Variants in CSMD1 observed in about 807,000 individuals in gnomAD.
CSMD1 encodes the protein CUB and Sushi multiple domains 1, also known as CUB and sushi domain-containing protein 1.
In CSMD1, 213 loss-of-function variants were observed where a neutral mutation model predicts 417.5. The ratio of observed to expected loss-of-function variants is 0.51; its 90% CI spans 0.46 to 0.57. The LOEUF (loss-of-function observed/expected upper bound fraction) is 0.57, where lower values mean the gene tolerates loss of function less well. Ranked by LOEUF, CSMD1 falls within the 20% of genes least tolerant of loss-of-function variation. CSMD1 has a pLI of 0.00. For synonymous variants in CSMD1, 2,862 were observed against 1,736.8 expected, an observed-to-expected ratio of 1.65 and a Z score of -16.11; for missense variants, 6,923 against 4,529.7, an observed-to-expected ratio of 1.53 and a Z score of -15.17.
chr8:3,199,960 G>A (rs1311313674), intron 32 of CSMD1, among the ~76,000 whole-genome samples, 151 bp from the exon 33 acceptor site: 1 of 152,072 alleles, frequency 6.6e-6, no homozygotes, highest in East Asian at 1.9e-4. Context: ...CAAATATGTT[G>A]TTTTTATAAA....
intron 7 of CSMD1, among the ~76,000 whole-genome samples, chr8:3,637,357 T>G (rs928507808): frequency 1.2e-4 from 19 of 152,164 alleles, no homozygotes; most frequent in African/African-American, 4.6e-4. Context: ...TCTTATGAGT[T>G]TGGGCAACAT....
chr8:4,195,220 C>T (rs114106727), intron 3 of CSMD1, among the ~76,000 whole-genome samples: 1,978 of 152,218 alleles, frequency 0.013, 31 homozygotes, highest in African/African-American at 0.044. Flanking sequence ...TGCATACATT[C>T]GATTTCAGGC....
intron 7 of CSMD1, among the ~76,000 whole-genome samples, chr8:3,643,082 G>C (rs1298796658): frequency 1.3e-5 from 2 of 152,054 alleles, no homozygotes; most frequent in Non-Finnish European, 2.9e-5. Flanking sequence ...GGGAGAGGGA[G>C]AGAGACAGGC....
At chr8:4,112,024 T>C (rs1395942942) in intron 3 of CSMD1, among the ~76,000 whole-genome samples, 1 of 152,216 alleles carries the variant, frequency 6.6e-6, no homozygotes, top group African/African-American at 2.4e-5. Context: ...TGACATGAAA[T>C]GTATAAAAAT....
chr8:4,331,324 A>G (rs1187079833), intron 3 of CSMD1, among the ~76,000 whole-genome samples: 1 of 152,124 alleles, frequency 6.6e-6, no homozygotes, highest in Non-Finnish European at 1.5e-5. Flanking sequence ...GTGCAAACGC[A>G]GTTTTGAGAC....
chr8:3,317,112 A>G (rs973928255), intron 23 of CSMD1, among the ~76,000 whole-genome samples: 1 of 152,122 alleles, frequency 6.6e-6, no homozygotes, highest in Non-Finnish European at 1.5e-5. Context: ...GACACCAGAG[A>G]AAAATGCAGC....
chr8:4,757,563 T>C (rs1382050064), intron 1 of CSMD1, among the ~76,000 whole-genome samples: 1 of 152,210 alleles, frequency 6.6e-6, no homozygotes, highest in Non-Finnish European at 1.5e-5. Context: ...CTATTCTGGA[T>C]AGGCTAAGTC....
chr8:4,804,817 T>C (rs1324447817), intron 1 of CSMD1, among the ~76,000 whole-genome samples: 1 of 152,208 alleles, frequency 6.6e-6, no homozygotes, highest in Admixed American at 6.5e-5. Flanking sequence ...AATACAGATA[T>C]GATTACTGAT....
At chr8:3,254,788 G>T (rs527730123) in intron 26 of CSMD1, among the ~76,000 whole-genome samples, 5 of 151,904 alleles carry the variant, frequency 3.3e-5, no homozygotes, top group Non-Finnish European at 5.9e-5. Flanking sequence ...TTTTTTCAAG[G>T]TTTTTAACTT....
intron 1 of CSMD1, among the ~76,000 whole-genome samples, chr8:4,909,699 G>T (rs759482631): frequency 6.6e-6 from 1 of 152,124 alleles, no homozygotes; most frequent in Non-Finnish European, 1.5e-5. Flanking sequence ...TCACACCACT[G>T]CTTCCAGCAG....
intron 41 of CSMD1, among the ~76,000 whole-genome samples, chr8:3,131,635 C>A (rs1817800423): frequency 6.6e-6 from 1 of 152,034 alleles, no homozygotes; most frequent in African/African-American, 2.4e-5. Context: ...CCATGCCCAG[C>A]TACTTTTTGT....
intron 4 of CSMD1, among the ~76,000 whole-genome samples, chr8:4,018,703 G>C (rs116329330): frequency 0.011 from 1,732 of 152,270 alleles, 30 homozygotes; most frequent in African/African-American, 0.039. Context: ...GGTTCTTTTA[G>C]AAATATTTAT....
intron 25 of CSMD1, among the ~76,000 whole-genome samples, chr8:3,289,519 T>C (rs1267774997): frequency 7.0e-6 from 1 of 143,854 alleles, no homozygotes; most frequent in Non-Finnish European, 1.5e-5. Flanking sequence ...ATCGCCATTC[T>C]AACTGGTGTG....
intron 1 of CSMD1, among the ~76,000 whole-genome samples, chr8:4,893,413 T>C (rs1804261283): frequency 2.6e-5 from 4 of 152,212 alleles, no homozygotes; most frequent in East Asian, 1.9e-4. Context: ...AATGTTTATA[T>C]TCACAAAGAT....
chr8:3,457,248 G>C (rs61381807), intron 12 of CSMD1, among the ~76,000 whole-genome samples: 16,036 of 151,498 alleles, frequency 0.11, 1,515 homozygotes, highest in East Asian at 0.34. Context: ...TCCTGGACTC[G>C]TGAACCTGTT....
At position 2,987,208 on chromosome 8, in the gene CSMD1, C is replaced by A. The variant is rs559934970; in HGVS notation, c.8378-8408G>T. Among the ~76,000 whole-genome samples the A allele has an allele frequency of 2.6e-5, 4 of 152,014 alleles. No homozygotes were observed. In the East Asian group the frequency reaches 7.7e-4, roughly 29 times the overall value. On this transcript the variant is annotated intron_variant, in intron 54 of 69. Transcript: ENST00000635120. Reference sequence around the variant, plus strand: ...TCAAGAAGAAAGGCAAGTTAACTCTCTGAGCTATTAAAATTTTAATTAAAG... The same window carrying A: ...TCAAGAAGAAAGGCAAGTTAACTCTATGAGCTATTAAAATTTTAATTAAAG...
chr8:4,176,234 T>C (rs1415109521), intron 3 of CSMD1, among the ~76,000 whole-genome samples: 9 of 152,100 alleles, frequency 5.9e-5, no homozygotes, highest in African/African-American at 2.2e-4. Context: ...ATAGCTTATG[T>C]ACGTTCTTAT....
At chr8:3,627,718 G>C (rs933510756) in intron 7 of CSMD1, among the ~76,000 whole-genome samples, 2 of 152,140 alleles carry the variant, frequency 1.3e-5, no homozygotes, top group Non-Finnish European at 2.9e-5. Context: ...TAATTTAAGT[G>C]TCACAAAATC....
chr8:2,965,778 T>C lies in CSMD1; in HGVS notation c.9277A>G (p.Lys3093Glu), dbSNP rs1269365631. The change falls in exon 59 of 70, where the codon AAA becomes GAA. Residue 3093 changes from lysine (K) to glutamate (E), a missense_variant. By Grantham distance (56) the Lys-to-Glu change is moderately conservative. Transcript: ENST00000635120. ...TCCAAAGAGTCACCAAACAAACCTT[T>C]GCAGACAGGTTTGCTCGGATTCCAC... is the stretch of plus-strand genomic sequence containing the variant. ...GRWNPSKPVC[K>E]AVLCPQPPPV... 1.2e-6 allele frequency: 2 copies of C among 1,601,976 alleles called. No homozygotes were observed. The highest frequency in any genetic ancestry group is 2.2e-5 in the East Asian group (1 of 44,572).
Sources: gnomAD v4.1 joint callset for allele counts (sites outside exome capture counted in the v4.1 genomes callset) on GRCh38, gnomAD v4.1.1 for gene constraint, MANE v1.5 for transcripts, NCBI Gene and HGNC (gene_info 2026-07-23, HGNC 2026-07-21) for gene names.